The following CAND2 variants were observed in gnomAD, a reference collection of about 807,000 sequenced individuals.
CAND2 encodes cullin-associated NEDD8-dissociated protein 2.
A neutral mutation model predicts 98.9 loss-of-function variants in CAND2; 62 were observed. The ratio of observed to expected loss-of-function variants is 0.63; its 90% CI spans 0.51 to 0.77. The LOEUF (loss-of-function observed/expected upper bound fraction) is 0.77. Ranked by LOEUF, CAND2 falls within the 30% of genes least tolerant of loss-of-function variation. The pLI is 0.00. For synonymous variants in CAND2, 770 were observed against 731.9 expected, an observed-to-expected ratio of 1.05 and a Z score of -0.84; for missense variants, 1,501 against 1,655.2, an observed-to-expected ratio of 0.91 and a Z score of 1.62.
At chr3:12,831,906 T>C (rs1176256570) in intron 14 of CAND2, among the ~76,000 whole-genome samples, 2 of 152,308 alleles carry the variant, frequency 1.3e-5, no homozygotes, top group Non-Finnish European at 2.9e-5. Context: ...TTGAGCCTGA[T>C]AGGTTCCCTA....
chr3:12,830,834 T>G (rs1004309363), intron 13 of CAND2, among the ~76,000 whole-genome samples: 2 of 152,158 alleles, frequency 1.3e-5, no homozygotes, highest in Non-Finnish European at 2.9e-5. Context: ...GGGCTGGGCC[T>G]CCTCCTTTGC....
At chr3:12,820,608 C>G (rs1281746062) in intron 11 of CAND2, among the ~76,000 whole-genome samples, 2 of 152,236 alleles carry the variant, frequency 1.3e-5, no homozygotes, top group East Asian at 1.9e-4. Context: ...AGTGCTCCCC[C>G]CGGCCCCGCC....
At chr3:12,825,397 G>A in intron 11 of CAND2, 73 bp from the exon 12 acceptor site, 2 of 1,429,538 alleles carry the variant, frequency 1.4e-6, no homozygotes, top group Non-Finnish European at 1.9e-6. Flanking sequence ...GTAACCAGAT[G>A]GCCGGGGTGG....
chr3:12,827,404 C>T (rs1407721068), intron 12 of CAND2, 36 bp from the exon 13 acceptor site: 1 of 1,594,608 alleles, frequency 6.3e-7, no homozygotes. Flanking sequence ...TCCTTACACC[C>T]TGGGGCCATA....
chr3:12,827,918 G>A (rs1007756413), intron 13 of CAND2, among the ~76,000 whole-genome samples: 10 of 151,872 alleles, frequency 6.6e-5, no homozygotes, highest in Non-Finnish European at 1.3e-4. Context: ...AGGAGGTTGA[G>A]GCTGCAGTGA....
intron 5 of CAND2, 45 bp from the exon 6 acceptor site, chr3:12,812,945 G>A (rs901233235): frequency 1.5e-5 from 19 of 1,266,570 alleles, no homozygotes; most frequent in East Asian, 1.3e-4. Flanking sequence ...GGGGAACTCC[G>A]GGAGAGTGTC....
At position 12,808,214 on chromosome 3, in the gene CAND2, C is replaced by A. The variant is rs928317401; in HGVS notation, c.372C>A (p.Ser124=). Residue 124 remains serine, a synonymous_variant, in exon 4 of 15, where the codon TCC becomes TCA. Coordinates refer to ENST00000456430, the MANE Select transcript of CAND2 (RefSeq NM_001162499.2). The part of the protein sequence containing the change: ...LSELPPAATG[S]GLATNVCRKI... ...CCCACCTTGTGCCCTGTGCAGGCTCCGGGCTGGCCACCAACGTGTGCCGGA... is the reference window on the plus strand; with the variant it reads ...CCCACCTTGTGCCCTGTGCAGGCTCAGGGCTGGCCACCAACGTGTGCCGGA... 1 of 1,550,996 alleles carries A rather than the reference C, an allele frequency of 6.4e-7. No individual in the cohort carries two copies. Among genetic ancestry groups the A allele is most frequent in the Non-Finnish European group, 8.7e-7 (1 of 1,146,892 alleles).
intron 7 of CAND2, among the ~76,000 whole-genome samples, chr3:12,813,851 G>A (rs1225684924): frequency 6.6e-6 from 1 of 152,236 alleles, no homozygotes; most frequent in African/African-American, 2.4e-5. Context: ...AGGGGAGCAA[G>A]ATGTCTCAAT....
chr3:12,802,347 A>C (rs901964699), intron 1 of CAND2, among the ~76,000 whole-genome samples: 3 of 150,402 alleles, frequency 2.0e-5, no homozygotes, highest in African/African-American at 7.5e-5. Flanking sequence ...ACAAAACAAA[A>C]CAACCTTCTG....
At chr3:12,803,678 TG>T in intron 2 of CAND2, 47 bp downstream of exon 2, 5 of 1,524,254 alleles carry the variant, frequency 3.3e-6, no homozygotes, top group Non-Finnish European at 3.5e-6. Context: ...CTACCTTGTG[TG>T]GGAGCATCCT....
chr3:12,805,411 C>T (rs1316864450), intron 2 of CAND2, among the ~76,000 whole-genome samples: 1 of 151,972 alleles, frequency 6.6e-6, no homozygotes, highest in Non-Finnish European at 1.5e-5. Flanking sequence ...TCTCAGCCTC[C>T]TCAGTAGCTG....
Position 12,803,536 on chromosome 3 carries a change from C to T in CAND2, c.117C>T (p.Ile39=), listed in dbSNP as rs142863527. The change falls in exon 2 of 15, where the codon ATC becomes ATT. Residue 39 remains isoleucine (I), a synonymous_variant. Transcript: ENST00000456430. Reference sequence around the variant, plus strand: ...TGTCGGAGTTGCAGAAGGACTCCATCCAGCTGGACGAGGACAGCGAGCGCA... The same window carrying T: ...TGTCGGAGTTGCAGAAGGACTCCATTCAGCTGGACGAGGACAGCGAGCGCA... ...DLMSELQKDS[I]QLDEDSERKV... 6.2e-7 allele frequency: 1 copy of T among 1,613,542 alleles called. No homozygotes were observed. Among genetic ancestry groups the T allele is most frequent in the East Asian group, 2.2e-5 (1 of 44,838 alleles).
intron 10 of CAND2, among the ~76,000 whole-genome samples, chr3:12,818,818 TGTC>T (rs1216315289): frequency 6.6e-6 from 1 of 152,262 alleles, no homozygotes; most frequent in East Asian, 1.9e-4. Flanking sequence ...AAGAAGCAGT[TGTC>T]TGGCCTCAGG....
rs200685080 is a variant in CAND2 at position 12,816,748 on chromosome 3, C to G, written c.1816C>G (p.Leu606Val). ...CCTTGTAGGCCACCTGGGTGACCGG[C>G]TTGGGGATGACCTGGAGCCCACGTT... is the stretch of plus-strand genomic sequence containing the variant. ...GHLVGHLGDR[L>V]GDDLEPTLLL... Residue 606 changes from leucine (L) to valine (V), a missense_variant, in exon 10 of 15, where the codon CTT becomes GTT. Coordinates refer to ENST00000456430, the MANE Select transcript of CAND2 (RefSeq NM_001162499.2). The G allele has an allele frequency of 1.9e-6, 3 of 1,613,528 alleles. No homozygotes were observed. In the East Asian group the frequency reaches 6.7e-5, roughly 36 times the overall value.
At chr3:12,809,916 A>G (rs1246296727) in intron 4 of CAND2, 143 bp from the exon 5 acceptor site, 4 of 850,852 alleles carry the variant, frequency 4.7e-6, no homozygotes, top group African/African-American at 1.8e-5. Context: ...TCCTCCTCAC[A>G]GTTGCAGGGC....
chr3:12,816,256 G>A (rs2061899839), intron 9 of CAND2, 118 bp from the exon 10 acceptor site: 1 of 1,072,254 alleles, frequency 9.3e-7, no homozygotes, highest in Non-Finnish European at 1.4e-6. Flanking sequence ...AACTTCTGCA[G>A]AAGAGTTTAG....
intron 13 of CAND2, among the ~76,000 whole-genome samples, chr3:12,829,983 T>C (rs1166311185): frequency 1.3e-5 from 2 of 152,230 alleles, no homozygotes; most frequent in African/African-American, 2.4e-5. Flanking sequence ...GGTGCATTAC[T>C]GTGACCCACG....
Position 12,816,496 on chromosome 3 carries a change from C to T in CAND2, c.1564C>T (p.Leu522Phe), listed in dbSNP as rs746186309. Residue 522 changes from leucine (L) to phenylalanine (F), a missense_variant, in exon 10 of 15, where the codon CTC becomes TTC. This residue lies in a region of CAND2 where 1,427 missense variants were observed against 1,545.3 expected (regional missense o/e 0.92). Transcript: ENST00000456430. ...GGCCTTCCACCCACACTTGCCTATC[C>T]TCCTGCCACCTGTGATGGCCTGTGT... ...AEAFHPHLPI[L>F]LPPVMACVAD... The T allele has an allele frequency of 6.2e-7, 1 of 1,613,996 alleles. No homozygotes were observed. The highest frequency in any genetic ancestry group is 8.5e-7 in the Non-Finnish European group (1 of 1,179,966).
intron 10 of CAND2, among the ~76,000 whole-genome samples, chr3:12,819,632 G>T (rs2061939695): frequency 6.6e-6 from 1 of 152,204 alleles, no homozygotes; most frequent in Non-Finnish European, 1.5e-5. Flanking sequence ...GATCTGCTGT[G>T]TGGCCCTAGA....
Sources: gnomAD v4.1 joint callset for allele counts (sites outside exome capture counted in the v4.1 genomes callset) on GRCh38, gnomAD v4.1.1 for gene constraint, gnomAD v4.1.1 regional missense constraint, MANE v1.5 for transcripts, NCBI Gene and HGNC (gene_info 2026-07-23, HGNC 2026-07-21) for gene names.